Variants in MANBA observed in about 807,000 individuals in gnomAD.
MANBA encodes the protein beta-mannosidase.
A neutral mutation model predicts 111.1 loss-of-function variants in MANBA; 83 were observed. The ratio of observed to expected loss-of-function variants is 0.75; its 90% CI spans 0.63 to 0.90. The LOEUF (loss-of-function observed/expected upper bound fraction) is 0.90. Ranked by LOEUF, MANBA falls within the 40% of genes least tolerant of loss-of-function variation. MANBA has a pLI of 0.00. For missense variants in MANBA, 1,036 were observed against 1,069.0 expected (o/e 0.97, Z 0.43); for synonymous variants, 370 against 378.7 (o/e 0.98, Z 0.27).
At chr4:102,734,431 G>T in intron 1 of MANBA, 1 of 1,608,386 alleles carries the variant, frequency 6.2e-7, no homozygotes, top group South Asian at 1.1e-5. Context: ...CTATGGTACG[G>T]ACTCTTCCTG....
chr4:102,633,154 G>C (rs1178854244), intron 16 of MANBA: 1 of 387,782 alleles, frequency 2.6e-6, no homozygotes, highest in South Asian at 1.5e-4. Flanking sequence ...AACCTATATT[G>C]ATAGAAGCAG....
intron 1 of MANBA, among the ~76,000 whole-genome samples, chr4:102,756,862 CAGAAAAGCTG>C (rs1238246467): frequency 2.1e-5 from 3 of 145,276 alleles, no homozygotes; most frequent in African/African-American, 7.6e-5. Context: ...AGAAATTCCA[CAGAAAAGCTG>C]AGAACATTCC....
chr4:102,633,214 CA>C (rs562592047), intron 16 of MANBA: 5,199 of 398,310 alleles, frequency 0.013, 77 homozygotes, highest in African/African-American at 0.049. Context: ...ATCAGAGACT[CA>C]GGCTTGAATT....
At chr4:102,677,338 G>A (rs191360764) in intron 7 of MANBA, among the ~76,000 whole-genome samples, 249 of 152,182 alleles carry the variant, frequency 1.6e-3, no homozygotes, top group African/African-American at 5.4e-3. Flanking sequence ...ACTACCTCAC[G>A]GTAGTAGATA....
intron 5 of MANBA, among the ~76,000 whole-genome samples, chr4:102,705,231 G>A (rs942834004): frequency 1.3e-5 from 2 of 152,144 alleles, no homozygotes; most frequent in Non-Finnish European, 2.9e-5. Flanking sequence ...TGCAATCCTA[G>A]CCATGAGAGA....
intron 1 of MANBA, among the ~76,000 whole-genome samples, chr4:102,734,023 A>G (rs977505570): frequency 6.6e-6 from 1 of 152,256 alleles, no homozygotes; most frequent in African/African-American, 2.4e-5. Flanking sequence ...CAATATTGCA[A>G]TGGTGAATAC....
Position 102,692,421 on chromosome 4 carries a change from T to C in MANBA, c.674-1650A>G, listed in dbSNP as rs148610989. Among the ~76,000 whole-genome samples, 544 of 152,342 alleles carry C rather than the reference T, an allele frequency of 3.6e-3. 6 individuals carry two copies. The highest frequency in any genetic ancestry group is 0.012 in the African/African-American group (502 of 41,586). On this transcript the variant is annotated intron_variant, in intron 5 of 16. Transcript: ENST00000647097. ...GAGTTTTATATACGCGCAGTATGACTCTGTCCTCCATTTCCTGTCAAATTT... is the reference window on the plus strand; with the variant it reads ...GAGTTTTATATACGCGCAGTATGACCCTGTCCTCCATTTCCTGTCAAATTT...
chr4:102,745,243 C>A (rs1351740080), intron 1 of MANBA, among the ~76,000 whole-genome samples: 2 of 152,110 alleles, frequency 1.3e-5, no homozygotes, highest in African/African-American at 4.8e-5. Flanking sequence ...CTGGGGGTCT[C>A]CTTGGGGAAG....
At chr4:102,750,724 G>GC (rs1204751515) in intron 1 of MANBA, among the ~76,000 whole-genome samples, 4 of 152,082 alleles carry the variant, frequency 2.6e-5, no homozygotes, top group African/African-American at 9.7e-5. Context: ...ACCAGCCTGT[G>GC]CAACATAGGG....
chr4:102,760,935 G>A lies in MANBA; in HGVS notation c.-41C>T, dbSNP rs1048717808. On this transcript the variant is annotated 5_prime_UTR_variant, in exon 1 of 17. Transcript: ENST00000647097. ...CACCGAGATGTGGAGAGATCGAAAGGCAGCGCTGCAAGGGACCGGCGGTGA... is the reference window on the plus strand; with the variant it reads ...CACCGAGATGTGGAGAGATCGAAAGACAGCGCTGCAAGGGACCGGCGGTGA... The A allele has an allele frequency of 3.9e-6, 6 of 1,532,682 alleles. No homozygotes were observed. Among genetic ancestry groups the A allele is most frequent in the Non-Finnish European group, 5.3e-6 (6 of 1,141,476 alleles). 94.9% of individuals were successfully genotyped at this position (1,532,682 alleles called of 1,614,324 possible).
intron 7 of MANBA, among the ~76,000 whole-genome samples, chr4:102,679,955 T>C (rs1731888658): frequency 6.6e-6 from 1 of 152,120 alleles, no homozygotes; most frequent in Non-Finnish European, 1.5e-5. Flanking sequence ...ACTTCTCAAG[T>C]ATTTCTTCTG....
intron 1 of MANBA, among the ~76,000 whole-genome samples, chr4:102,743,375 GAGA>G (rs1247720321): frequency 6.6e-6 from 1 of 152,190 alleles, no homozygotes; most frequent in East Asian, 1.9e-4. Flanking sequence ...CCCACCCACT[GAGA>G]AGATTTCCCT....
At chr4:102,727,108 C>G (rs1207791470) in intron 1 of MANBA, among the ~76,000 whole-genome samples, 1 of 152,196 alleles carries the variant, frequency 6.6e-6, no homozygotes, top group East Asian at 1.9e-4. Context: ...ACCTGTTTCA[C>G]TCTCTAAATG....
chr4:102,631,104 CTTTGTGTGTGTGTGTGTGTGTGTG>C lies in MANBA; in HGVS notation c.*929_*952del, dbSNP rs1189073324. 9.4e-5 allele frequency: 13 copies of C among 138,876 alleles called. No individual in the cohort carries two copies. The highest frequency in any genetic ancestry group is 2.8e-4 in the Admixed American group (4 of 14,144). 8.6% of individuals were successfully genotyped at this position (138,876 alleles called of 1,614,324 possible). On this transcript the variant is annotated 3_prime_UTR_variant, in exon 17 of 17. Coordinates refer to ENST00000647097, the MANE Select transcript of MANBA (RefSeq NM_005908.4). ...AAGTCCCCTTATCCCCTTGATAAGG[CTTTGTGTGTGTGTGTGTGTGTGTG>C]TGTGTGTGTGTGTGTGTGTGTGTGT...
chr4:102,654,798 T>C (rs1440249664), intron 12 of MANBA, among the ~76,000 whole-genome samples: 1 of 152,152 alleles, frequency 6.6e-6, no homozygotes, highest in African/African-American at 2.4e-5. Flanking sequence ...TATCTCGTCT[T>C]CCCACTCATT....
intron 7 of MANBA, among the ~76,000 whole-genome samples, chr4:102,683,294 G>A (rs1269047150): frequency 6.6e-6 from 1 of 152,008 alleles, no homozygotes; most frequent in African/African-American, 2.4e-5. Flanking sequence ...TTAATTGATT[G>A]TAGAGTACTT....
At chr4:102,728,372 T>C (rs1722891762) in intron 1 of MANBA, 1 of 524,562 alleles carries the variant, frequency 1.9e-6, no homozygotes, top group Admixed American at 2.0e-5. Context: ...GCCTACACTT[T>C]GAATCTTAGC....
At chr4:102,728,007 G>T in intron 1 of MANBA, 1 of 446,826 alleles carries the variant, frequency 2.2e-6, no homozygotes, top group Non-Finnish European at 4.3e-6. Flanking sequence ...ACCAAAATGG[G>T]TAAGTCTTTC....
intron 1 of MANBA, among the ~76,000 whole-genome samples, chr4:102,742,326 G>A (rs1012018393): frequency 6.6e-6 from 1 of 152,164 alleles, no homozygotes; most frequent in African/African-American, 2.4e-5. Flanking sequence ...CAAAAATTTT[G>A]CTAGTGGATC....
Sources: gnomAD v4.1 joint callset for allele counts (sites outside exome capture counted in the v4.1 genomes callset) on GRCh38, gnomAD v4.1.1 for gene constraint, MANE v1.5 for transcripts, NCBI Gene and HGNC (gene_info 2026-07-23, HGNC 2026-07-21) for gene names.